The following TRHDE variants were observed in gnomAD, a reference collection of about 807,000 sequenced individuals.
TRHDE encodes thyrotropin-releasing hormone-degrading ectoenzyme.
A neutral mutation model predicts 125.7 loss-of-function variants in TRHDE; 72 were observed. That is an observed-to-expected ratio of 0.57 (90% CI 0.47 to 0.70). The LOEUF (loss-of-function observed/expected upper bound fraction) is 0.70, where lower values mean the gene tolerates loss of function less well. TRHDE is among the 30% of genes least tolerant of loss of function. The pLI, the probability that TRHDE is intolerant of heterozygous loss-of-function variation, is 0.00. For synonymous variants in TRHDE, 509 were observed against 509.1 expected (o/e 1.00, Z 0.00); for missense variants, 1,110 against 1,327.1 (o/e 0.84, Z 2.54).
rs747045852 is a variant in TRHDE, at chr12:72,112,127, G to A, written n.279+6375G>A. Among the ~76,000 whole-genome samples the A allele has an allele frequency of 2.0e-5, 3 of 152,090 alleles. No homozygotes were observed. In the East Asian group the frequency reaches 5.8e-4, roughly 29 times the overall value. On this transcript the variant is annotated intron_variant and non_coding_transcript_variant, in intron 2 of 4. Coordinates refer to the TRHDE transcript ENST00000548156. ...ACCCTTGCTTTAATATATGAGCCAC[G>A]GAGTATCTGGGAGCCAGGAGGGGAC...
intron 5 of TRHDE, among the ~76,000 whole-genome samples, chr12:72,479,656 T>A (rs1199789040): frequency 1.3e-5 from 2 of 151,222 alleles, no homozygotes; most frequent in African/African-American, 2.4e-5. Context: ...TGTTTTTTTT[T>A]AATTTTTATT....
At chr12:72,117,427 T>C (rs1875472479) in intron 2 of TRHDE, among the ~76,000 whole-genome samples, 2 of 152,172 alleles carry the variant, frequency 1.3e-5, no homozygotes, top group Non-Finnish European at 2.9e-5. Context: ...TTCTGTTCTA[T>C]TGGTCTATGT....
At chr12:72,512,444 A>T (rs546112635) in intron 6 of TRHDE, among the ~76,000 whole-genome samples, 11 of 139,674 alleles carry the variant, frequency 7.9e-5, no homozygotes, top group Non-Finnish European at 1.1e-4. Context: ...AATATGTTAT[A>T]ATTATATAAT....
At chr12:72,120,176 G>A (rs1177966169) in intron 2 of TRHDE, among the ~76,000 whole-genome samples, 2 of 151,648 alleles carry the variant, frequency 1.3e-5, no homozygotes, top group African/African-American at 4.8e-5. Context: ...TCAGCCTCCT[G>A]AGTAGCTGGG....
At chr12:72,456,999 A>G (rs548649645) in intron 3 of TRHDE, among the ~76,000 whole-genome samples, 40 of 152,268 alleles carry the variant, frequency 2.6e-4, no homozygotes, top group African/African-American at 9.4e-4. Context: ...TTAAACTCTC[A>G]AGAAGATATT....
intron 12 of TRHDE, among the ~76,000 whole-genome samples, chr12:72,603,448 G>C (rs116337034): frequency 6.6e-6 from 1 of 152,060 alleles, no homozygotes; most frequent in Non-Finnish European, 1.5e-5. Flanking sequence ...AGTGTGGGCC[G>C]AGCGCGGTGT....
intron 3 of TRHDE, among the ~76,000 whole-genome samples, chr12:72,438,115 T>A (rs1565741480): frequency 6.6e-6 from 1 of 151,886 alleles, no homozygotes; most frequent in Non-Finnish European, 1.5e-5. Context: ...GCTTTTCTTC[T>A]TTTATACGGC....
chr12:72,162,558 T>A (rs956590363), intron 2 of TRHDE, among the ~76,000 whole-genome samples: 11 of 152,194 alleles, frequency 7.2e-5, no homozygotes, highest in African/African-American at 2.2e-4. Flanking sequence ...TAGAAGTTGG[T>A]CCTGGGAGAT....
chr12:72,397,807 A>AT (rs1468980584), intron 3 of TRHDE, among the ~76,000 whole-genome samples: 18 of 152,078 alleles, frequency 1.2e-4, no homozygotes, highest in African/African-American at 3.4e-4. Flanking sequence ...CCTTTTTGGC[A>AT]TTTTTTAAAT....
chr12:72,152,668 C>T (rs1477938904), intron 2 of TRHDE, among the ~76,000 whole-genome samples: 4 of 152,116 alleles, frequency 2.6e-5, no homozygotes, highest in South Asian at 2.1e-4. Context: ...TGTTTTTTGT[C>T]GTTGGTTCTG....
At chr12:72,616,641 A>G (rs1265207012) in intron 12 of TRHDE, among the ~76,000 whole-genome samples, 1 of 152,160 alleles carries the variant, frequency 6.6e-6, no homozygotes, top group Admixed American at 6.6e-5. Flanking sequence ...AAACACAATA[A>G]ATTATAATTG....
At chr12:72,408,786 G>A (rs901552132) in intron 3 of TRHDE, among the ~76,000 whole-genome samples, 1 of 152,140 alleles carries the variant, frequency 6.6e-6, no homozygotes, top group African/African-American at 2.4e-5. Context: ...CAGAATAATT[G>A]TTCTGAAGAT....
intron 2 of TRHDE, among the ~76,000 whole-genome samples, chr12:72,218,449 T>C (rs1411856130): frequency 6.6e-6 from 1 of 152,168 alleles, no homozygotes; most frequent in Admixed American, 6.5e-5. Context: ...GCTGTTTTTT[T>C]TCTCATTCTT....
intron 3 of TRHDE, among the ~76,000 whole-genome samples, chr12:72,444,176 T>C (rs950508206): frequency 6.6e-6 from 1 of 151,892 alleles, no homozygotes; most frequent in Non-Finnish European, 1.5e-5. Flanking sequence ...TTTTAGATGA[T>C]GTTCTGATTT....
At chr12:72,432,497 TCAGGG>T (rs1385462304) in intron 3 of TRHDE, among the ~76,000 whole-genome samples, 1 of 152,150 alleles carries the variant, frequency 6.6e-6, no homozygotes, top group African/African-American at 2.4e-5. Context: ...GCCGTCTGCC[TCAGGG>T]TTATAGGACA....
chr12:72,341,209 G>A (rs756579663), intron 2 of TRHDE, among the ~76,000 whole-genome samples: 10 of 150,914 alleles, frequency 6.6e-5, no homozygotes, highest in African/African-American at 9.8e-5. Flanking sequence ...AGGTATACAC[G>A]TGCCATGTTG....
At position 72,273,533 on chromosome 12, in the gene TRHDE, C is replaced by T. The variant is rs1469923348; in HGVS notation, c.890C>T (p.Ser297Phe). Residue 297 changes from serine to phenylalanine, a missense_variant, in exon 1 of 19, where the codon TCC becomes TTC. Ser to Phe is a radical substitution (Grantham distance 155). Around this residue, in one of 5 missense-constraint regions of TRHDE, gnomAD observed 252 missense variants for 274.8 expected, o/e 0.92. Transcript: ENST00000261180. The surrounding 1 kb of genome is among the most constrained non-coding windows in gnomAD (Gnocchi z 5.3). ...GAGCTCCTGGGCTTCTTCCGCAGCT[C>T]CTATGTGCTCCACGGGGAGAGAAGG... is the stretch of plus-strand genomic sequence containing the variant. ...ENELLGFFRS[S>F]YVLHGERRFL... 6.2e-7 allele frequency: 1 copy of T among 1,602,152 alleles called. No homozygotes were observed. The highest frequency in any genetic ancestry group is 1.1e-5 in the South Asian group (1 of 91,036).
chr12:72,639,560 TGGA>T (rs1250496561), intron 15 of TRHDE, among the ~76,000 whole-genome samples: 20 of 152,210 alleles, frequency 1.3e-4, no homozygotes, highest in African/African-American at 4.8e-4. Flanking sequence ...TGCGTTCCTT[TGGA>T]GGAGGAGAGG....
intron 2 of TRHDE, among the ~76,000 whole-genome samples, chr12:72,113,709 AG>A (rs1875376344): frequency 6.6e-6 from 1 of 152,006 alleles, no homozygotes; most frequent in Non-Finnish European, 1.5e-5. Context: ...AGAAAATTCC[AG>A]GGGTTTGAAA....
Sources: gnomAD v4.1 joint callset for allele counts (sites outside exome capture counted in the v4.1 genomes callset) on GRCh38, gnomAD v4.1.1 for gene constraint, gnomAD v4.1.1 regional missense constraint, Gnocchi (gnomAD v3.1) non-coding constraint, MANE v1.5 for transcripts, NCBI Gene and HGNC (gene_info 2026-07-23, HGNC 2026-07-21) for gene names.